POC1A: variants seen among roughly 807,000 people sequenced by gnomAD.
POC1A encodes POC1 centriolar protein homolog A.
A neutral mutation model predicts 47.8 loss-of-function variants in POC1A; 34 were observed. The ratio of observed to expected loss-of-function variants is 0.71; its 90% confidence interval spans 0.54 to 0.95. The LOEUF is 0.95. POC1A is among the 40% of genes least tolerant of loss of function. The probability of loss-of-function intolerance (pLI) is 0.00; values close to 1 mark genes in which losing one functional copy is unlikely to be tolerated. For synonymous variants in POC1A, 177 were observed against 207.6 expected, an observed-to-expected ratio of 0.85 and a Z score of 1.27; for missense variants, 466 against 528.3, an observed-to-expected ratio of 0.88 and a Z score of 1.16.
chr3:52,122,374 C>G lies in POC1A; in HGVS notation c.981+5G>C, dbSNP rs1411367942. ...AGCTCAGGACATGCCTGCCAAGCCACTTACCAGATTCCCCATGGAGCTGGC... is the reference window on the plus strand; with the variant it reads ...AGCTCAGGACATGCCTGCCAAGCCAGTTACCAGATTCCCCATGGAGCTGGC... On this transcript the variant is annotated splice_donor_5th_base_variant and intron_variant, in intron 9 of 10. Coordinates refer to ENST00000296484, the MANE Select transcript of POC1A (RefSeq NM_015426.5). 1 of 1,574,782 alleles carries G rather than the reference C, an allele frequency of 6.4e-7. No homozygotes were observed. The highest frequency in any genetic ancestry group is 8.7e-7 in the Non-Finnish European group (1 of 1,144,022).
chr3:52,120,149 G>A (rs1340303563), intron 9 of POC1A, among the ~76,000 whole-genome samples: 4 of 152,194 alleles, frequency 2.6e-5, no homozygotes, highest in African/African-American at 4.8e-5. Context: ...TTGGAAAGAT[G>A]AAGATCTTCT....
In POC1A at chr3:52,084,105, G is replaced by GCTGGTTCCAGAATA. The variant is rs2106935232; in HGVS notation, c.1126-8134_1126-8121dup. 6.6e-6 allele frequency among the ~76,000 whole-genome samples: 1 copy of GCTGGTTCCAGAATA among 152,336 alleles called. No homozygotes were observed. Among genetic ancestry groups the GCTGGTTCCAGAATA allele is most frequent in the Admixed American group, 6.5e-5 (1 of 15,310 alleles). On this transcript the variant is annotated intron_variant, in intron 10 of 10. Transcript: ENST00000296484. The surrounding 1 kb of genome is among the most constrained non-coding windows in gnomAD (Gnocchi z 4.3). Reference sequence around the variant, plus strand: ...CGTGCCTGTGGCCAGTTTGTAGAACGCTGGTTCCAGAATAAACTCTGGGAG... The same window carrying GCTGGTTCCAGAATA: ...CGTGCCTGTGGCCAGTTTGTAGAACGCTGGTTCCAGAATACTGGTTCCAGAATAAACTCTGGGAG...
chr3:52,078,209 C>A (rs952576105), intron 10 of POC1A, among the ~76,000 whole-genome samples: 1 of 152,108 alleles, frequency 6.6e-6, no homozygotes, highest in Admixed American at 6.5e-5. Flanking sequence ...CAAGGTGCCT[C>A]GTGGTGGCCA....
intron 9 of POC1A, among the ~76,000 whole-genome samples, chr3:52,097,802 A>G (rs1204391675): frequency 2.6e-5 from 4 of 152,242 alleles, no homozygotes; most frequent in Admixed American, 2.6e-4. Context: ...GTGTCCACAC[A>G]CCTATCATCA....
intron 10 of POC1A, among the ~76,000 whole-genome samples, chr3:52,081,478 T>C (rs1388682513): frequency 2.0e-5 from 3 of 152,094 alleles, no homozygotes; most frequent in East Asian, 1.9e-4. Flanking sequence ...CGCAGGCGCA[T>C]AGACAGTGGG....
chr3:52,131,021 G>A (rs971278541), intron 7 of POC1A, among the ~76,000 whole-genome samples: 1 of 151,894 alleles, frequency 6.6e-6, no homozygotes, highest in African/African-American at 2.4e-5. Context: ...ACACGGGGTC[G>A]GGGGGAGGGT....
intron 4 of POC1A, among the ~76,000 whole-genome samples, chr3:52,147,456 C>T (rs1212163325): frequency 6.6e-6 from 1 of 151,894 alleles, no homozygotes; most frequent in African/African-American, 2.4e-5. Context: ...GTTTTTTAGA[C>T]AGGGTATTGC....
intron 9 of POC1A, among the ~76,000 whole-genome samples, chr3:52,117,141 T>C (rs1335915159): frequency 2.0e-5 from 3 of 151,886 alleles, no homozygotes; most frequent in African/African-American, 7.3e-5. Context: ...TGAGCCAAGA[T>C]TGTGCCACTG....
intron 5 of POC1A, 45 bp from the exon 6 acceptor site, chr3:52,146,006 G>T: frequency 8.5e-7 from 1 of 1,182,120 alleles, no homozygotes; most frequent in Non-Finnish European, 1.3e-6. Flanking sequence ...GTCTGCCCTG[G>T]TTCAGGACGG....
At chr3:52,139,230 A>G (rs1271009388) in intron 6 of POC1A, among the ~76,000 whole-genome samples, 2 of 152,200 alleles carry the variant, frequency 1.3e-5, no homozygotes, top group African/African-American at 4.8e-5. Flanking sequence ...AGTTAAGCAC[A>G]TGAGGTCTTT....
intron 9 of POC1A, among the ~76,000 whole-genome samples, chr3:52,109,806 C>A (rs1425030897): frequency 6.6e-6 from 1 of 152,090 alleles, no homozygotes; most frequent in African/African-American, 2.4e-5. Flanking sequence ...CCATGGCAAC[C>A]AATAAGAACA....
chr3:52,147,122 T>C (rs1419083268), intron 4 of POC1A, 27 bp from the exon 5 acceptor site: 1 of 1,555,432 alleles, frequency 6.4e-7, no homozygotes, highest in Non-Finnish European at 8.9e-7. Flanking sequence ...ACAAGTCACA[T>C]CACAGACTAA....
At position 52,122,389 on chromosome 3, in the gene POC1A, A is replaced by T; in HGVS notation, c.971T>A (p.Met324Lys). The change falls in exon 9 of 11, where the codon ATG becomes AAG. Residue 324 changes from methionine (M) to lysine (K), a missense_variant. Physicochemically the swap from Met to Lys is moderately conservative, Grantham distance 95 (BLOSUM62 -1). Transcript: ENST00000296484. ...PRPPATLASS[M>K]GNLPEVDFPV... ...TGCCAAGCCACTTACCAGATTCCCC[A>T]TGGAGCTGGCCAGTGTGGCTGGGGG... is the stretch of plus-strand genomic sequence containing the variant. The T allele has an allele frequency of 6.3e-7, 1 of 1,598,500 alleles. No individual in the cohort carries two copies. The highest frequency in any genetic ancestry group is 8.6e-7 in the Non-Finnish European group (1 of 1,165,784).
At chr3:52,136,527 G>A (rs1311996424) in intron 7 of POC1A, among the ~76,000 whole-genome samples, 3 of 152,206 alleles carry the variant, frequency 2.0e-5, no homozygotes, top group Non-Finnish European at 4.4e-5. Context: ...GATGATGAAT[G>A]AACAAACAGA....
intron 2 of POC1A, among the ~76,000 whole-genome samples, chr3:52,150,281 G>A (rs1049995837): frequency 6.6e-6 from 1 of 152,112 alleles, no homozygotes; most frequent in Non-Finnish European, 1.5e-5. Flanking sequence ...ATTCCCATGG[G>A]GCCCAGGGTC....
intron 7 of POC1A, among the ~76,000 whole-genome samples, chr3:52,136,775 C>T (rs1317543452): frequency 1.3e-5 from 2 of 152,216 alleles, no homozygotes; most frequent in South Asian, 2.1e-4. Context: ...CAATAGCTTT[C>T]GTTTATGTGC....
chr3:52,126,379 C>T (rs1048093831), intron 7 of POC1A, among the ~76,000 whole-genome samples: 1 of 152,222 alleles, frequency 6.6e-6, no homozygotes, highest in Non-Finnish European at 1.5e-5. Flanking sequence ...TGCCATTCAG[C>T]CTCAGACACA....
chr3:52,152,215 C>T (rs749871270), intron 1 of POC1A, among the ~76,000 whole-genome samples: 8 of 152,108 alleles, frequency 5.3e-5, no homozygotes, highest in Non-Finnish European at 1.0e-4. Flanking sequence ...TTCAAGGTTG[C>T]AGTGAGCTGT....
intron 9 of POC1A, among the ~76,000 whole-genome samples, chr3:52,114,484 A>G (rs1703490727): frequency 6.6e-6 from 1 of 152,210 alleles, no homozygotes; most frequent in Non-Finnish European, 1.5e-5. Flanking sequence ...GCATGTGCAC[A>G]CACACAGGGG....
Sources: gnomAD v4.1 joint callset for allele counts (sites outside exome capture counted in the v4.1 genomes callset) on GRCh38, gnomAD v4.1.1 for gene constraint, Gnocchi (gnomAD v3.1) non-coding constraint, MANE v1.5 for transcripts, NCBI Gene and HGNC (gene_info 2026-07-23, HGNC 2026-07-21) for gene names.